TMEFF2: variants seen among roughly 807,000 people sequenced by gnomAD.
TMEFF2 encodes tomoregulin-2.
TMEFF2 carries 28 observed loss-of-function variants against 53.8 expected under a neutral mutation model. That is an observed-to-expected ratio of 0.52 (90% CI 0.39 to 0.71). The LOEUF is 0.71. TMEFF2 is among the 30% of genes least tolerant of loss of function. The probability of loss-of-function intolerance (pLI) is 0.00; values close to 1 mark genes in which losing one functional copy is unlikely to be tolerated. For missense variants in TMEFF2, 353 were observed against 455.2 expected (o/e 0.78, Z 2.04); for synonymous variants, 162 against 166.3 (o/e 0.97, Z 0.20).
intron 7 of TMEFF2, among the ~76,000 whole-genome samples, chr2:191,996,510 A>G (rs1686224464): frequency 6.6e-6 from 1 of 151,872 alleles, no homozygotes; most frequent in East Asian, 1.9e-4. Context: ...TTTCATTTAA[A>G]ATTTAAAATA....
chr2:191,974,428 TG>T (rs1163736080), intron 7 of TMEFF2, among the ~76,000 whole-genome samples: 1 of 152,138 alleles, frequency 6.6e-6, no homozygotes, highest in Non-Finnish European at 1.5e-5. Flanking sequence ...AGGACTAAAT[TG>T]CTTGGTTCTA....
chr2:192,007,462 G>A (rs1403615148), intron 5 of TMEFF2, among the ~76,000 whole-genome samples: 2 of 152,160 alleles, frequency 1.3e-5, no homozygotes, highest in African/African-American at 2.4e-5. Context: ...AAGAAGAGTA[G>A]GATTTAGATG....
At chr2:192,061,446 TTAAG>T (rs1435017158) in intron 4 of TMEFF2, among the ~76,000 whole-genome samples, 2 of 152,156 alleles carry the variant, frequency 1.3e-5, no homozygotes, top group East Asian at 1.9e-4. Context: ...TTATGTTGTA[TTAAG>T]TATTACAAGT....
At chr2:192,112,133 GA>G (rs1689294926) in intron 4 of TMEFF2, among the ~76,000 whole-genome samples, 1 of 152,196 alleles carries the variant, frequency 6.6e-6, no homozygotes, top group Non-Finnish European at 1.5e-5. Flanking sequence ...GGAGCTGAGA[GA>G]AGAAGACCAT....
At chr2:191,984,819 G>A (rs1685937842) in intron 7 of TMEFF2, among the ~76,000 whole-genome samples, 1 of 152,026 alleles carries the variant, frequency 6.6e-6, no homozygotes, top group South Asian at 2.1e-4. Context: ...TGAGATTTAA[G>A]CCAATCAGTG....
intron 5 of TMEFF2, among the ~76,000 whole-genome samples, chr2:192,026,822 A>G (rs1195295374): frequency 1.3e-5 from 2 of 152,228 alleles, no homozygotes; most frequent in African/African-American, 2.4e-5. Flanking sequence ...TTAGATCTAC[A>G]AAGACTTCTG....
chr2:191,971,365 A>C (rs950677250), intron 7 of TMEFF2, among the ~76,000 whole-genome samples: 1 of 152,238 alleles, frequency 6.6e-6, no homozygotes, highest in African/African-American at 2.4e-5. Context: ...TCAAACTTCT[A>C]TCTTGTTCCT....
chr2:191,967,713 CT>C (rs1255059391), intron 7 of TMEFF2, among the ~76,000 whole-genome samples: 1 of 152,154 alleles, frequency 6.6e-6, no homozygotes, highest in African/African-American at 2.4e-5. Context: ...CTTCCTTCCC[CT>C]GATAACTGTC....
intron 4 of TMEFF2, among the ~76,000 whole-genome samples, chr2:192,067,958 C>T (rs899973182): frequency 2.0e-5 from 3 of 151,884 alleles, no homozygotes; most frequent in African/African-American, 7.2e-5. Flanking sequence ...ACATATCTCC[C>T]ATGTCACTTA....
intron 4 of TMEFF2, among the ~76,000 whole-genome samples, chr2:192,147,194 T>C (rs1690272668): frequency 6.6e-6 from 1 of 152,020 alleles, no homozygotes; most frequent in African/African-American, 2.4e-5. Context: ...TGGACTGGCA[T>C]CTACTAGTTA....
intron 4 of TMEFF2, among the ~76,000 whole-genome samples, chr2:192,153,356 C>T (rs761491918): frequency 2.6e-5 from 4 of 151,790 alleles, no homozygotes; most frequent in Non-Finnish European, 4.4e-5. Context: ...TTGCATCTAA[C>T]TTCCCACTGT....
Position 192,075,322 on chromosome 2 carries a change from T to TAAATATAA in TMEFF2, c.440-17548_440-17547insTTATATTT, listed in dbSNP as rs1393098671. On this transcript the variant is annotated intron_variant, in intron 4 of 9. Coordinates refer to ENST00000272771, the MANE Select transcript of TMEFF2 (RefSeq NM_016192.4). Reference sequence around the variant, plus strand: ...ATATATATATATATATATATATATATATATATATATACATACATACTATGT... The same window carrying TAAATATAA: ...ATATATATATATATATATATATATATAAATATAAATATATATATACATACATACTATGT... 2.6e-3 allele frequency among the ~76,000 whole-genome samples: 221 copies of TAAATATAA among 86,090 alleles called. 8 individuals carry two copies. Among genetic ancestry groups the TAAATATAA allele is most frequent in the Middle Eastern group, 0.026 (5 of 196 alleles). 56.5% of individuals were successfully genotyped at this position (86,090 alleles called of 152,430 possible). A position where few individuals can be genotyped will look rare whatever the true frequency, so the allele number is the denominator to read the frequency against.
At chr2:192,117,799 T>G (rs923398852) in intron 4 of TMEFF2, among the ~76,000 whole-genome samples, 2 of 151,910 alleles carry the variant, frequency 1.3e-5, no homozygotes, top group Non-Finnish European at 2.9e-5. Flanking sequence ...CAGCCTCTGA[T>G]TGCTGATCAC....
chr2:192,083,478 T>C (rs1468936037), intron 4 of TMEFF2, among the ~76,000 whole-genome samples: 2 of 152,138 alleles, frequency 1.3e-5, no homozygotes, highest in Admixed American at 6.5e-5. Flanking sequence ...ATGCAGATGT[T>C]GATCAAGAAA....
Position 191,964,065 on chromosome 2 carries a change from ATAGT to A in TMEFF2, c.746-7691_746-7688del, listed in dbSNP as rs373197741. Among the ~76,000 whole-genome samples the A allele has an allele frequency of 4.6e-3, 702 of 152,264 alleles. 6 individuals are homozygous for A. Among genetic ancestry groups the A allele is most frequent in the African/African-American group, 0.016 (672 of 41,560 alleles). Reference sequence around the variant, plus strand: ...TTTCCAGTGTGATATGTACAGTATGATAGTTAGGAACTTATAAAAATACACGACA... The same window carrying A: ...TTTCCAGTGTGATATGTACAGTATGATAGGAACTTATAAAAATACACGACA... On this transcript the variant is annotated intron_variant, in intron 7 of 9. Coordinates refer to ENST00000272771, the MANE Select transcript of TMEFF2 (RefSeq NM_016192.4).
chr2:192,131,391 C>T (rs1458531306), intron 4 of TMEFF2, among the ~76,000 whole-genome samples: 2 of 152,016 alleles, frequency 1.3e-5, no homozygotes, highest in Non-Finnish European at 2.9e-5. Context: ...TTCTCCTTCA[C>T]CTTTAGCGGC....
intron 4 of TMEFF2, among the ~76,000 whole-genome samples, chr2:192,063,992 A>G (rs556766735): frequency 1.4e-3 from 208 of 151,762 alleles, no homozygotes; most frequent in Non-Finnish European, 2.2e-3. Flanking sequence ...AAAAAAATCT[A>G]GTCTGGATTT....
At chr2:192,099,084 C>A (rs1688978096) in intron 4 of TMEFF2, among the ~76,000 whole-genome samples, 2 of 152,070 alleles carry the variant, frequency 1.3e-5, no homozygotes, top group Admixed American at 6.6e-5. Context: ...CTGAGGGAAC[C>A]AGCACAAAGC....
At chr2:192,098,669 C>G (rs1018182036) in intron 4 of TMEFF2, among the ~76,000 whole-genome samples, 3 of 152,110 alleles carry the variant, frequency 2.0e-5, no homozygotes, top group African/African-American at 7.2e-5. Flanking sequence ...TAAAAATTAG[C>G]TAAATTGGCA....
Sources: gnomAD v4.1 joint callset for allele counts (sites outside exome capture counted in the v4.1 genomes callset) on GRCh38, gnomAD v4.1.1 for gene constraint, MANE v1.5 for transcripts, NCBI Gene and HGNC (gene_info 2026-07-23, HGNC 2026-07-21) for gene names.